Variants in TMEM232 observed in about 807,000 individuals in gnomAD.
The protein encoded by TMEM232 is transmembrane protein 232.
Under a neutral mutation model 78.8 loss-of-function variants are expected in TMEM232, and 80 were observed. That is an observed-to-expected ratio of 1.01 (90% confidence interval 0.85 to 1.22). The LOEUF is 1.22. Ranked by LOEUF, TMEM232 falls within the 50% of genes most tolerant of loss-of-function variation. TMEM232 has a pLI of 0.00. For synonymous variants in TMEM232, 297 were observed against 254.3 expected (o/e 1.17, Z -1.60); for missense variants, 881 against 742.2 (o/e 1.19, Z -2.17).
At position 110,605,209 on chromosome 5, in the gene TMEM232, T is replaced by C. The variant is rs1421654535; in HGVS notation, c.1176A>G (p.Gln392=). ...LIGFCHCKSS[Q]KNILYLDKSV... The stretch of plus-strand genomic sequence containing the variant: ...ATTTGTCCAAGTATAAAATATTTTT[T>C]TGTGAACTTTTACAGTGACAGAAAC... The change falls in exon 10 of 14, where the codon CAA becomes CAG. Residue 392 remains glutamine, a synonymous_variant. Transcript: ENST00000455884. The C allele has an allele frequency of 6.4e-7, 1 of 1,551,148 alleles. No homozygotes were observed. The highest frequency in any genetic ancestry group is 2.5e-5 in the East Asian group (1 of 40,798).
At chr5:110,506,978 A>G (rs1204792128) in intron 12 of TMEM232, among the ~76,000 whole-genome samples, 2 of 152,106 alleles carry the variant, frequency 1.3e-5, no homozygotes, top group Non-Finnish European at 2.9e-5. Flanking sequence ...AACATATTTG[A>G]CCAAGTGGTA....
chr5:110,490,119 CAAAAAGAAAGAAAGAA>C (rs1349738736), intron 12 of TMEM232, among the ~76,000 whole-genome samples: 1 of 75,610 alleles, frequency 1.3e-5, no homozygotes, highest in African/African-American at 4.0e-5. Context: ...AACTCCGTTT[CAAAAAGAAAGAAAGAA>C]AGAAAGAAAG....
intron 4 of TMEM232, among the ~76,000 whole-genome samples, chr5:110,640,036 G>A (rs1786450676): frequency 6.6e-6 from 1 of 152,204 alleles, no homozygotes; most frequent in Admixed American, 6.5e-5. Context: ...CTCGGGTTGG[G>A]CAAGGGCCAG....
chr5:110,655,607 G>A (rs1266179700), intron 2 of TMEM232, among the ~76,000 whole-genome samples: 4 of 148,120 alleles, frequency 2.7e-5, no homozygotes, highest in East Asian at 2.0e-4. Flanking sequence ...ACATGCACAC[G>A]TATGTTTATT....
intron 1 of TMEM232, chr5:110,725,701 T>A (rs1465239268): frequency 6.6e-6 from 1 of 152,206 alleles, no homozygotes; most frequent in African/African-American, 2.4e-5. Flanking sequence ...TGCTTGGCAG[T>A]TCATCTGCAA....
rs185464907 is a variant in TMEM232 at position 110,537,253 on chromosome 5, A to T, written c.1456-8418T>A. 4.0e-5 allele frequency among the ~76,000 whole-genome samples: 6 copies of T among 151,354 alleles called. No individual in the cohort carries two copies. The East Asian group carries it at 1.2e-3, about 29-fold the overall frequency. ...ATCCTCCACCACTGGAATCAATTTGACCCTGATAATCTAAAGAGAAAACTT... is the reference window on the plus strand; with the variant it reads ...ATCCTCCACCACTGGAATCAATTTGTCCCTGATAATCTAAAGAGAAAACTT... On this transcript the variant is annotated intron_variant, in intron 11 of 13. Transcript: ENST00000455884.
intron 2 of TMEM232, among the ~76,000 whole-genome samples, chr5:110,402,525 G>A (rs946532448): frequency 1.3e-5 from 2 of 151,980 alleles, no homozygotes; most frequent in African/African-American, 2.4e-5. Flanking sequence ...AACAGACCCT[G>A]GGTAATTTAA....
At chr5:110,419,320 A>G (rs1160991561), downstream of TMEM232, among the ~76,000 whole-genome samples, 1 of 152,166 alleles carries the variant, frequency 6.6e-6, no homozygotes, top group Non-Finnish European at 1.5e-5. Flanking sequence ...ATAAGTTTGA[A>G]TTAGCTATAC....
chr5:110,498,932 C>T (rs73784773), intron 12 of TMEM232, among the ~76,000 whole-genome samples: 3 of 152,072 alleles, frequency 2.0e-5, no homozygotes, highest in Non-Finnish European at 2.9e-5. Context: ...TAACTCTTCA[C>T]GGAGTTACTG....
intron 1 of TMEM232, among the ~76,000 whole-genome samples, chr5:110,721,100 C>T (rs191430321): frequency 6.6e-6 from 1 of 152,034 alleles, no homozygotes; most frequent in Admixed American, 6.6e-5. Context: ...AAAAGTTATT[C>T]CCGGTAAAGT....
At chr5:110,674,936 T>A (rs1791832498) in intron 1 of TMEM232, among the ~76,000 whole-genome samples, 1 of 152,228 alleles carries the variant, frequency 6.6e-6, no homozygotes, top group African/African-American at 2.4e-5. Flanking sequence ...GTAGAACTGT[T>A]GGATTAGCAC....
chr5:110,475,597 G>A (rs1561541959), intron 12 of TMEM232, among the ~76,000 whole-genome samples: 1 of 151,402 alleles, frequency 6.6e-6, no homozygotes, highest in East Asian at 1.9e-4. Context: ...TCCAAAGCTA[G>A]GAGAATCTAG....
intron 10 of TMEM232, among the ~76,000 whole-genome samples, chr5:110,576,453 T>C (rs1317845795): frequency 6.6e-6 from 1 of 152,082 alleles, no homozygotes; most frequent in East Asian, 1.9e-4. Context: ...AAAATGGCCA[T>C]ACTGCCTAAA....
chr5:110,550,583 T>C (rs1774328721), intron 11 of TMEM232, among the ~76,000 whole-genome samples: 1 of 151,868 alleles, frequency 6.6e-6, no homozygotes, highest in Admixed American at 6.6e-5. Context: ...CCAGAACAAA[T>C]TCTATATATG....
intron 1 of TMEM232, among the ~76,000 whole-genome samples, chr5:110,700,508 C>A (rs926514987): frequency 1.3e-5 from 2 of 151,988 alleles, no homozygotes; most frequent in Admixed American, 6.6e-5. Flanking sequence ...GTCAGATATG[C>A]AGATCAAAAT....
intron 1 of TMEM232, among the ~76,000 whole-genome samples, chr5:110,671,637 T>C (rs1580604069): frequency 6.6e-6 from 1 of 152,216 alleles, no homozygotes; most frequent in Non-Finnish European, 1.5e-5. Flanking sequence ...CTCAGCAAAC[T>C]AACACAGGAA....
intron 2 of TMEM232, among the ~76,000 whole-genome samples, chr5:110,643,585 C>A (rs1277787731): frequency 6.6e-6 from 1 of 151,974 alleles, no homozygotes; most frequent in Non-Finnish European, 1.5e-5. Flanking sequence ...ACAGTAGAAT[C>A]AATGAACTGT....
intron 10 of TMEM232, among the ~76,000 whole-genome samples, chr5:110,599,614 G>A (rs558357028): frequency 6.6e-6 from 1 of 151,694 alleles, no homozygotes; most frequent in East Asian, 2.0e-4. Flanking sequence ...AACAAGAAGA[G>A]CTATCTTAAA....
chr5:110,661,771 G>GT (rs1316276523), intron 2 of TMEM232, among the ~76,000 whole-genome samples: 2 of 152,196 alleles, frequency 1.3e-5, no homozygotes, highest in Admixed American at 1.3e-4. Context: ...CACCAACAGT[G>GT]TAGGAGCATT....
Sources: gnomAD v4.1 joint callset for allele counts (sites outside exome capture counted in the v4.1 genomes callset) on GRCh38, gnomAD v4.1.1 for gene constraint, MANE v1.5 for transcripts, NCBI Gene and HGNC (gene_info 2026-07-23, HGNC 2026-07-21) for gene names.